The following BNC2 variants were observed in gnomAD, a reference collection of about 807,000 sequenced individuals.
BNC2 encodes zinc finger protein basonuclin-2.
In BNC2, 20 loss-of-function variants were observed where a neutral mutation model predicts 76.3. That is an observed-to-expected ratio of 0.26 (90% confidence interval 0.18 to 0.38). BNC2 has a LOEUF of 0.38. BNC2 is among the 10% of genes least tolerant of loss of function. BNC2 has a pLI of 1.00. For synonymous variants in BNC2, 582 were observed against 514.8 expected, an observed-to-expected ratio of 1.13 and a Z score of -1.77; for missense variants, 1,382 against 1,399.8, an observed-to-expected ratio of 0.99 and a Z score of 0.20.
rs1277374301 is a variant in BNC2 at position 16,500,193 on chromosome 9, C to T, written c.669+52337G>A. On this transcript the variant is annotated intron_variant, in intron 5 of 6. Coordinates refer to ENST00000380672, the MANE Select transcript of BNC2 (RefSeq NM_017637.6). Reference sequence around the variant, plus strand: ...CTCTACCCCTTTTCAAGACTATTCTCCTCACCATTCAGAATCCTACCCATC... The same window carrying T: ...CTCTACCCCTTTTCAAGACTATTCTTCTCACCATTCAGAATCCTACCCATC... Among the ~76,000 whole-genome samples the T allele has an allele frequency of 1.3e-5, 2 of 152,002 alleles. 1 individual carries two copies. Among genetic ancestry groups the T allele is most frequent in the Non-Finnish European group, 2.9e-5 (2 of 68,012 alleles).
intron 1 of BNC2, among the ~76,000 whole-genome samples, chr9:16,853,336 G>A (rs968733068): frequency 1.3e-5 from 2 of 151,288 alleles, no homozygotes; most frequent in East Asian, 3.9e-4. Context: ...GCCCAGGGAG[G>A]TCGAGGCTGC....
chr9:16,685,665 A>C (rs1312990860), intron 3 of BNC2: 3 of 1,274,866 alleles, frequency 2.4e-6, no homozygotes, highest in Non-Finnish European at 1.0e-6. Context: ...CTGTGTATGG[A>C]GGCTGCTGAG....
At chr9:16,745,057 C>T (rs1000939738) in intron 1 of BNC2, among the ~76,000 whole-genome samples, 4 of 152,170 alleles carry the variant, frequency 2.6e-5, no homozygotes, top group Admixed American at 2.6e-4. Context: ...GAACCTTTTA[C>T]TAATTGTGTG....
intron 3 of BNC2, among the ~76,000 whole-genome samples, chr9:16,720,175 A>G (rs570715792): frequency 1.3e-5 from 2 of 152,284 alleles, no homozygotes; most frequent in East Asian, 3.9e-4. Flanking sequence ...ACAGAGGACC[A>G]CACCTGAGGG....
intron 3 of BNC2, among the ~76,000 whole-genome samples, chr9:16,603,577 C>T (rs895529292): frequency 1.3e-5 from 2 of 152,122 alleles, no homozygotes; most frequent in Non-Finnish European, 2.9e-5. Context: ...CAGCAATAAG[C>T]AGCTCTCAAA....
chr9:16,497,781 A>G (rs1307764111), intron 5 of BNC2, among the ~76,000 whole-genome samples: 2 of 152,296 alleles, frequency 1.3e-5, no homozygotes, highest in Admixed American at 6.5e-5. Context: ...AGGACATACT[A>G]TATACCCTGG....
At chr9:16,606,548 A>C (rs12338032) in intron 3 of BNC2, among the ~76,000 whole-genome samples, 1 of 150,566 alleles carries the variant, frequency 6.6e-6, no homozygotes, top group Non-Finnish European at 1.5e-5. Context: ...TTTTGTGGGT[A>C]GGGGGACGGA....
At chr9:16,429,430 A>G (rs867626603) in intron 6 of BNC2, 1 of 152,964 alleles carries the variant, frequency 6.5e-6, no homozygotes, top group Admixed American at 6.5e-5. Flanking sequence ...ATGGTTAAAT[A>G]TAAGAAAGAT....
At chr9:16,741,841 C>T (rs1205363770) in intron 1 of BNC2, among the ~76,000 whole-genome samples, 1 of 150,984 alleles carries the variant, frequency 6.6e-6, no homozygotes, top group Non-Finnish European at 1.5e-5. Flanking sequence ...GCCTGTAGTT[C>T]CAGCTACTTG....
intron 1 of BNC2, among the ~76,000 whole-genome samples, chr9:16,790,163 AT>A (rs946366242): frequency 6.6e-6 from 1 of 151,510 alleles, no homozygotes; most frequent in African/African-American, 2.4e-5. Context: ...TGCCTGGCTA[AT>A]TTTTTTTTAT....
At chr9:16,737,552 T>TC (rs1158872227) in intron 2 of BNC2, among the ~76,000 whole-genome samples, 1 of 150,390 alleles carries the variant, frequency 6.6e-6, no homozygotes, top group Non-Finnish European at 1.5e-5. Flanking sequence ...GCCTGGCTTT[T>TC]TTTTTTTTTT....
chr9:16,525,224 A>C (rs1817761142), intron 5 of BNC2, among the ~76,000 whole-genome samples: 1 of 152,210 alleles, frequency 6.6e-6, no homozygotes, highest in Non-Finnish European at 1.5e-5. Context: ...ATCAAAAGTC[A>C]ATCAAAAGGT....
chr9:16,595,885 G>C (rs774322636), intron 3 of BNC2, among the ~76,000 whole-genome samples: 4 of 151,894 alleles, frequency 2.6e-5, no homozygotes, highest in Non-Finnish European at 5.9e-5. Context: ...TAAATACAAA[G>C]CCTTGTGGAG....
chr9:16,476,144 C>G (rs1007071702), intron 5 of BNC2: 1 of 152,222 alleles, frequency 6.6e-6, no homozygotes, highest in African/African-American at 2.4e-5. Flanking sequence ...AGCTGAGCCA[C>G]TGACGCCATT....
chr9:16,507,252 T>G (rs1006114243), intron 5 of BNC2, among the ~76,000 whole-genome samples: 5 of 129,112 alleles, frequency 3.9e-5, no homozygotes, highest in Non-Finnish European at 7.9e-5. Context: ...TCCATTTGCT[T>G]TTTTTTTTTT....
intron 3 of BNC2, among the ~76,000 whole-genome samples, chr9:16,671,397 A>G (rs1414062480): frequency 6.6e-6 from 1 of 152,236 alleles, no homozygotes; most frequent in Non-Finnish European, 1.5e-5. Flanking sequence ...GGAAGTGCAG[A>G]AAGGCTGGAG....
intron 1 of BNC2, among the ~76,000 whole-genome samples, chr9:16,822,092 C>CAA (rs531393812): frequency 0.025 from 807 of 31,698 alleles, 37 homozygotes; most frequent in African/African-American, 0.06. Context: ...GACTCCATCT[C>CAA]AAAAAAAAAA....
At chr9:16,498,179 ATATATT>A (rs1822437847) in intron 5 of BNC2, among the ~76,000 whole-genome samples, 1 of 126,758 alleles carries the variant, frequency 7.9e-6, no homozygotes, top group Non-Finnish European at 1.6e-5. Flanking sequence ...TCTATCATAT[ATATATT>A]CCATCATATA....
intron 3 of BNC2, among the ~76,000 whole-genome samples, chr9:16,672,615 A>G (rs1480237632): frequency 6.6e-6 from 1 of 152,230 alleles, no homozygotes; most frequent in Non-Finnish European, 1.5e-5. Flanking sequence ...TAATCACCCT[A>G]TGCATAATCC....
Sources: gnomAD v4.1 joint callset for allele counts (sites outside exome capture counted in the v4.1 genomes callset) on GRCh38, gnomAD v4.1.1 for gene constraint, MANE v1.5 for transcripts, NCBI Gene and HGNC (gene_info 2026-07-23, HGNC 2026-07-21) for gene names.